The following MYB variants were observed in gnomAD, a reference collection of about 807,000 sequenced individuals.
MYB encodes MYB proto-oncogene, transcription factor.
Under a neutral mutation model 92.9 loss-of-function variants are expected in MYB, and 28 were observed. The observed-to-expected ratio is 0.30, with a 90% CI of 0.22 to 0.41. The LOEUF is 0.41. Among genes scored for constraint, MYB ranks in the 10% least tolerant of loss-of-function variants. MYB has a pLI of 1.00. For synonymous variants in MYB, 295 were observed against 329.1 expected, an observed-to-expected ratio of 0.90 and a Z score of 1.12; for missense variants, 679 against 929.3, an observed-to-expected ratio of 0.73 and a Z score of 3.50.
chr6:135,211,568 T>A (rs1779704005), intron 15 of MYB, among the ~76,000 whole-genome samples: 1 of 152,148 alleles, frequency 6.6e-6, no homozygotes, highest in African/African-American at 2.4e-5. Flanking sequence ...TTGGTCTTAA[T>A]CTTAATAGTT....
chr6:135,186,989 C>G (rs1041358576), intron 2 of MYB, among the ~76,000 whole-genome samples: 3 of 152,120 alleles, frequency 2.0e-5, no homozygotes, highest in Non-Finnish European at 2.9e-5. Context: ...TCATATTTTA[C>G]CTATTAAGAT....
In MYB at chr6:135,194,415, C is replaced by T. The variant is rs1455553724; in HGVS notation, c.903C>T (p.Leu301=). Residue 301 remains leucine (L), a synonymous_variant, in exon 8 of 16, where the codon CTC becomes CTT. Coordinates refer to ENST00000341911, the MANE Select transcript of MYB (RefSeq NM_001130173.2). Reference sequence around the variant, plus strand: ...AGCGAATAAAGGAATTAGAATTGCTCCTAATGTCAACCGAGAATGAGCTAA... The same window carrying T: ...AGCGAATAAAGGAATTAGAATTGCTTCTAATGTCAACCGAGAATGAGCTAA... The part of the protein sequence containing the change: ...KEKRIKELEL[L]LMSTENELKG... 3 of 1,613,848 alleles carry T rather than the reference C, an allele frequency of 1.9e-6. No homozygotes were observed. The highest frequency in any genetic ancestry group is 3.3e-5 in the Admixed American group (2 of 59,982).
Position 135,196,948 on chromosome 6 carries a change from C to G in MYB, c.1204-13C>G. The G allele has an allele frequency of 6.2e-7, 1 of 1,607,018 alleles. No homozygotes were observed. Among genetic ancestry groups the G allele is most frequent in the Non-Finnish European group, 8.5e-7 (1 of 1,176,698 alleles). On this transcript the variant is annotated splice_polypyrimidine_tract_variant and intron_variant, in intron 9 of 15. Coordinates refer to ENST00000341911, the MANE Select transcript of MYB (RefSeq NM_001130173.2). ...CACTATCTCAAAGTTCTGTGCCTCC[C>G]ACATTGTTTCAGGATTCTTCATCAT...
At chr6:135,207,737 C>CTTTTTTT (rs11433082) in intron 15 of MYB, among the ~76,000 whole-genome samples, 1 of 139,926 alleles carries the variant, frequency 7.1e-6, no homozygotes, top group Non-Finnish European at 1.5e-5. Flanking sequence ...TACCTCATCT[C>CTTTTTTT]TTTTTTTTTT....
At chr6:135,187,962 A>G in intron 3 of MYB, 57 bp downstream of exon 3, 4 of 1,307,750 alleles carry the variant, frequency 3.1e-6, no homozygotes, top group Non-Finnish European at 4.4e-6. Flanking sequence ...AGATTTCTAT[A>G]AAATATTCTA....
chr6:135,204,961 G>A (rs1778664407), intron 15 of MYB, among the ~76,000 whole-genome samples: 2 of 152,252 alleles, frequency 1.3e-5, no homozygotes, highest in African/African-American at 4.8e-5. Flanking sequence ...CAGCTACTCG[G>A]GAGGCTGAGA....
At position 135,200,382 on chromosome 6, in the gene MYB, T is replaced by C; in HGVS notation, c.1917T>C (p.Asn639=). 1 of 1,614,054 alleles carries C rather than the reference T, an allele frequency of 6.2e-7. No homozygotes were observed. The highest frequency in any genetic ancestry group is 1.1e-5 in the South Asian group (1 of 91,072). The change falls in exon 13 of 16, where the codon AAT becomes AAC. Residue 639 remains asparagine (N), a synonymous_variant. Transcript: ENST00000341911. ...GAATTGTTGCTGAGTTTCAAGAAAATGGACCACCCTTACTGAAGAAAATCA... is the reference window on the plus strand; with the variant it reads ...GAATTGTTGCTGAGTTTCAAGAAAACGGACCACCCTTACTGAAGAAAATCA... The part of the protein sequence containing the change: ...ESGIVAEFQE[N]GPPLLKKIKQ...
intron 11 of MYB, 37 bp downstream of exon 11, chr6:135,199,087 A>G: frequency 1.4e-6 from 2 of 1,465,278 alleles, no homozygotes; most frequent in Non-Finnish European, 1.8e-6. Context: ...GATTTATCTT[A>G]TTTACTTATA....
chr6:135,218,320 G>C lies in MYB; in HGVS notation c.*340G>C, dbSNP rs147011819. On this transcript the variant is annotated 3_prime_UTR_variant, in exon 16 of 16. Coordinates refer to ENST00000341911, the MANE Select transcript of MYB (RefSeq NM_001130173.2). Reference sequence around the variant, plus strand: ...AGATCAGTATTTTTTCCTGTGATGGGTTTTTTGAAATTTGACACATTAAAA... The same window carrying C: ...AGATCAGTATTTTTTCCTGTGATGGCTTTTTTGAAATTTGACACATTAAAA... 9.7e-3 allele frequency: 2,603 copies of C among 268,222 alleles called. 22 individuals are homozygous for C. The highest frequency in any genetic ancestry group is 0.013 in the Non-Finnish European group (1,773 of 139,948). 16.6% of individuals were successfully genotyped at this position (268,222 alleles called of 1,614,324 possible).
rs777814033 is a variant in MYB at position 135,196,992 on chromosome 6, T to C, written c.1235T>C (p.Phe412Ser). Residue 412 changes from phenylalanine to serine, a missense_variant, in exon 10 of 16, where the codon TTT (phenylalanine) becomes TCT (serine). Physicochemically the swap from Phe to Ser is radical, Grantham distance 155. Transcript: ENST00000341911. ...TCATCATGGTGTGATCTCAGCAGTT[T>C]TGAATTCTTTGAAGAAGCAGATTTT... ...DSSSWCDLSS[F>S]EFFEEADFSP... is the part of the protein sequence containing the mutation. The C allele has an allele frequency of 3.7e-6, 6 of 1,613,780 alleles. No homozygotes were observed. In the African/African-American group the frequency reaches 6.7e-5, roughly 18 times the overall value.
At chr6:135,193,788 G>A (rs1583290502) in intron 6 of MYB, 50 bp from the exon 7 acceptor site, 3 of 1,313,690 alleles carry the variant, frequency 2.3e-6, no homozygotes. Context: ...GTCCCCTGAA[G>A]CATATGTAGC....
At chr6:135,205,941 C>G (rs1223307313) in intron 15 of MYB, among the ~76,000 whole-genome samples, 1 of 152,124 alleles carries the variant, frequency 6.6e-6, no homozygotes, top group African/African-American at 2.4e-5. Flanking sequence ...CGTGGTGGCT[C>G]ACGCCTGTAA....
rs1470004361 is a variant in MYB, at chr6:135,182,402, C to T, written c.23+866C>T. ...CAGCAGCACACGCCGGGGCTCCCTG[C>T]GAGCGGCGGGTGCCAGGGCTAGCTC... is the stretch of plus-strand genomic sequence containing the variant. On this transcript the variant is annotated intron_variant, in intron 1 of 15. Transcript: ENST00000341911. The surrounding 1 kb of genome is among the most constrained non-coding windows in gnomAD (Gnocchi z 5.6). 1.3e-5 allele frequency among the ~76,000 whole-genome samples: 2 copies of T among 152,040 alleles called. No homozygotes were observed. Among genetic ancestry groups the T allele is most frequent in the South Asian group, 2.1e-4 (1 of 4,822 alleles).
At chr6:135,208,223 C>T (rs1779242433) in intron 15 of MYB, among the ~76,000 whole-genome samples, 1 of 150,620 alleles carries the variant, frequency 6.6e-6, no homozygotes, top group African/African-American at 2.4e-5. Context: ...GGACTACAGG[C>T]GCTTGTCACC....
At chr6:135,206,205 C>CAAAAAAAAAAAAAAAAAAAA (rs67836018) in intron 15 of MYB, among the ~76,000 whole-genome samples, 2 of 87,366 alleles carry the variant, frequency 2.3e-5, no homozygotes, top group South Asian at 4.3e-4. Context: ...GACTCCATCT[C>CAAAAAAAAAAAAAAAAAAAA]AAAAAAAAAA....
chr6:135,196,946 C>T lies in MYB; in HGVS notation c.1204-15C>T, dbSNP rs1159084152. The T allele has an allele frequency of 6.2e-7, 1 of 1,606,712 alleles. No individual in the cohort carries two copies. Among genetic ancestry groups the T allele is most frequent in the Non-Finnish European group, 8.5e-7 (1 of 1,176,572 alleles). On this transcript the variant is annotated splice_polypyrimidine_tract_variant and intron_variant, in intron 9 of 15. Transcript: ENST00000341911. ...CACACTATCTCAAAGTTCTGTGCCTCCCACATTGTTTCAGGATTCTTCATC... is the reference window on the plus strand; with the variant it reads ...CACACTATCTCAAAGTTCTGTGCCTTCCACATTGTTTCAGGATTCTTCATC...
At chr6:135,200,441 A>G (rs748127879) in intron 13 of MYB, 26 bp downstream of exon 13, 1 of 1,613,564 alleles carries the variant, frequency 6.2e-7, no homozygotes, top group Non-Finnish European at 8.5e-7. Flanking sequence ...TTTGGAAGCA[A>G]CAAGCTGAGA....
intron 9 of MYB, chr6:135,196,637 A>G: frequency 1.2e-6 from 1 of 837,072 alleles, no homozygotes; most frequent in South Asian, 1.5e-5. Flanking sequence ...ATTAAAAATC[A>G]TTTATTGCAC....
chr6:135,195,150 G>C, intron 8 of MYB: 1 of 1,148,630 alleles, frequency 8.7e-7, no homozygotes, highest in African/African-American at 1.6e-5. Context: ...ATGCTAGTTC[G>C]ACCACTTTTT....
Sources: allele counts gnomAD v4.1 joint callset (sites outside exome capture counted in the v4.1 genomes callset), GRCh38; gene constraint gnomAD v4.1.1; non-coding constraint Gnocchi (gnomAD v3.1); transcripts MANE v1.5; gene names NCBI Gene and HGNC (gene_info 2026-07-23, HGNC 2026-07-21).